The following NLGN4X variants were observed in gnomAD, a reference collection of about 807,000 sequenced individuals.
NLGN4X encodes the protein neuroligin-4, X-linked.
Under a neutral mutation model 40.3 loss-of-function variants are expected in NLGN4X, and 3 were observed. The observed-to-expected ratio is 0.07, with a 90% CI of 0.03 to 0.19. The LOEUF (loss-of-function observed/expected upper bound fraction) is 0.19. NLGN4X is among the 10% of genes least tolerant of loss of function. The pLI, the probability that NLGN4X is intolerant of heterozygous loss-of-function variation, is 1.00. For synonymous variants in NLGN4X, 270 were observed against 306.8 expected (o/e 0.88, Z 1.25); for missense variants, 382 against 708.3 (o/e 0.54, Z 5.23).
intron 1 of NLGN4X, among the ~76,000 whole-genome samples, chrX:6,218,473 C>CATA (rs1491104150): frequency 0.013 from 355 of 27,955 alleles, 2 homozygotes; most frequent in African/African-American, 0.071. Context: ...AGAGATTAAA[C>CATA]CCACACACAC....
intron 3 of NLGN4X, among the ~76,000 whole-genome samples, chrX:5,931,022 C>T (rs1032029876): frequency 9.0e-6 from 1 of 111,484 alleles, no homozygotes. Flanking sequence ...AATGTTCCAT[C>T]ACTTTCATCC....
intron 3 of NLGN4X, among the ~76,000 whole-genome samples, chrX:5,978,675 C>T (rs1006720688): frequency 7.1e-5 from 8 of 112,071 alleles, no homozygotes; most frequent in African/African-American, 2.6e-4. Flanking sequence ...TAATTATTAA[C>T]TTTTTTAAAA....
chrX:5,967,054 T>G (rs1162547047), intron 3 of NLGN4X, among the ~76,000 whole-genome samples: 1 of 111,717 alleles, frequency 9.0e-6, no homozygotes, highest in Non-Finnish European at 1.9e-5. Context: ...ATAAAGATCC[T>G]TATCAGGCTG....
At chrX:6,133,929 C>T (rs1366006607) in intron 2 of NLGN4X, among the ~76,000 whole-genome samples, 1 of 111,646 alleles carries the variant, frequency 9.0e-6, no homozygotes, top group Non-Finnish European at 1.9e-5. Flanking sequence ...TACTCAACTT[C>T]GTCTTTGTAG....
At chrX:6,109,852 C>G (rs1210073354) in intron 2 of NLGN4X, among the ~76,000 whole-genome samples, 1 of 111,805 alleles carries the variant, frequency 8.9e-6, no homozygotes, top group Non-Finnish European at 1.9e-5. Flanking sequence ...GATTGCAAAC[C>G]TTTTTCCAAA....
At chrX:6,116,089 G>T (rs10856354) in intron 2 of NLGN4X, among the ~76,000 whole-genome samples, 10 of 106,169 alleles carry the variant, frequency 9.4e-5, no homozygotes, top group South Asian at 4.3e-4. Flanking sequence ...GTCAGGAGAT[G>T]GAGACCATCC....
intron 2 of NLGN4X, among the ~76,000 whole-genome samples, chrX:6,056,740 A>C (rs777249211): frequency 3.6e-5 from 4 of 112,328 alleles, no homozygotes; most frequent in African/African-American, 1.3e-4. Flanking sequence ...GAATAAAAAT[A>C]CAGCAAATTG....
At chrX:6,133,573 TTC>T (rs919600180) in intron 2 of NLGN4X, among the ~76,000 whole-genome samples, 8 of 111,956 alleles carry the variant, frequency 7.1e-5, no homozygotes, top group Non-Finnish European at 1.5e-4. Context: ...ACGTCCAATT[TTC>T]TGTTTCATGA....
intron 2 of NLGN4X, among the ~76,000 whole-genome samples, chrX:6,128,960 G>T (rs111587224): frequency 9.0e-6 from 1 of 111,242 alleles, no homozygotes; most frequent in Admixed American, 9.6e-5. Context: ...CATATTTCAG[G>T]CATTTATTTA....
intron 1 of NLGN4X, among the ~76,000 whole-genome samples, chrX:6,194,585 G>A (rs1922881245): frequency 9.0e-6 from 1 of 111,355 alleles, no homozygotes; most frequent in Non-Finnish European, 1.9e-5. Context: ...AAGGCCTTTG[G>A]GTTTCATAGC....
At chrX:6,122,925 A>T (rs1241959073) in intron 2 of NLGN4X, among the ~76,000 whole-genome samples, 1 of 109,024 alleles carries the variant, frequency 9.2e-6, no homozygotes, top group Admixed American at 1.0e-4. Context: ...CATTTTCCCA[A>T]AATGGATCTG....
At chrX:5,925,903 T>TACAC (rs2033287244) in intron 3 of NLGN4X, among the ~76,000 whole-genome samples, 1 of 39,016 alleles carries the variant, frequency 2.6e-5, no homozygotes, top group Non-Finnish European at 4.3e-5. Flanking sequence ...TATATATATA[T>TACAC]ATATATATAT....
At chrX:6,023,542 C>T (rs896344022) in intron 3 of NLGN4X, among the ~76,000 whole-genome samples, 1 of 111,947 alleles carries the variant, frequency 8.9e-6, no homozygotes, top group Admixed American at 9.5e-5. Flanking sequence ...CAGTTACACC[C>T]GGGTTTCAGT....
At chrX:6,035,076 A>G (rs1210090534) in intron 2 of NLGN4X, among the ~76,000 whole-genome samples, 1 of 111,908 alleles carries the variant, frequency 8.9e-6, no homozygotes, top group African/African-American at 3.3e-5. Flanking sequence ...TCTCATGTAC[A>G]CTGTCTTTGC....
intron 1 of NLGN4X, among the ~76,000 whole-genome samples, chrX:6,173,551 C>G (rs985046450): frequency 1.5e-4 from 16 of 107,478 alleles, no homozygotes; most frequent in African/African-American, 6.0e-4. Context: ...GGTCCTAAGA[C>G]CCCCCATTCC....
Position 6,029,333 on chromosome X carries a change from G to A in NLGN4X, c.572C>T (p.Ala191Val). 8.3e-7 allele frequency: 1 copy of A among 1,210,941 alleles called. No individual in the cohort carries two copies. Among genetic ancestry groups the A allele is most frequent in the Non-Finnish European group, 1.1e-6 (1 of 895,079 alleles). ...TGNMIDGSILASYGNVIVITI... is the reference protein window; with the variant it reads ...TGNMIDGSILVSYGNVIVITI... ...GATCACGATGACGTTTCCGTAGCTT[G>A]CCAAAATGCTGCCGTCAATCATGTT... Residue 191 changes from alanine to valine, a missense_variant, in exon 3 of 6, where the codon GCA becomes GTA. Around this residue, in one of 5 missense-constraint regions of NLGN4X, gnomAD observed 32 missense variants for 85.2 expected, o/e 0.38. Coordinates refer to ENST00000381095, the MANE Select transcript of NLGN4X (RefSeq NM_181332.3).
At chrX:6,152,661 G>A (rs1302467636) in intron 1 of NLGN4X, among the ~76,000 whole-genome samples, 1 of 112,019 alleles carries the variant, frequency 8.9e-6, no homozygotes, top group Non-Finnish European at 1.9e-5. Flanking sequence ...ATATATTTAG[G>A]CTACACACTT....
chrX:6,203,597 G>C (rs137952342), intron 1 of NLGN4X, among the ~76,000 whole-genome samples: 13 of 112,031 alleles, frequency 1.2e-4, no homozygotes, highest in African/African-American at 4.2e-4. Context: ...CTCACTTTCA[G>C]AAAAGCCAGC....
intron 1 of NLGN4X, among the ~76,000 whole-genome samples, chrX:6,195,453 C>T (rs926466458): frequency 8.9e-6 from 1 of 111,929 alleles, no homozygotes; most frequent in African/African-American, 3.2e-5. Flanking sequence ...GGATCCATGG[C>T]TGAAACAGTT....
Sources: allele counts gnomAD v4.1 joint callset (sites outside exome capture counted in the v4.1 genomes callset), GRCh38; gene constraint gnomAD v4.1.1; regional missense constraint gnomAD v4.1.1; transcripts MANE v1.5; gene names NCBI Gene and HGNC (gene_info 2026-07-23, HGNC 2026-07-21).